DENND6A: variants seen among roughly 807,000 people sequenced by gnomAD.
The protein encoded by DENND6A is DENN domain containing 6A.
DENND6A carries 43 observed loss-of-function variants against 95.5 expected under a neutral mutation model. That is an observed-to-expected ratio of 0.45 (90% CI 0.35 to 0.58). DENND6A has a LOEUF of 0.58. Among genes scored for constraint, DENND6A ranks in the 20% least tolerant of loss-of-function variants. The pLI is 0.00. For missense variants in DENND6A, 574 were observed against 736.0 expected, an observed-to-expected ratio of 0.78 and a Z score of 2.55; for synonymous variants, 257 against 260.4, an observed-to-expected ratio of 0.99 and a Z score of 0.13.
At position 57,663,623 on chromosome 3, in the gene DENND6A, GTA is replaced by G. The variant is rs780522341; in HGVS notation, c.513+11_513+12del. On this transcript the variant is annotated intron_variant, in intron 5 of 19. Transcript: ENST00000311128. ...TAAAAAATACTTTTTTTATTAGTGTGTATGACAATTACCTTCTGAAAGTAGCC... is the reference window on the plus strand; with the variant it reads ...TAAAAAATACTTTTTTTATTAGTGTGTGACAATTACCTTCTGAAAGTAGCC... 6.4e-6 allele frequency: 10 copies of G among 1,563,482 alleles called. No individual in the cohort carries two copies. The African/African-American group carries it at 1.4e-4, about 21-fold the overall frequency.
chr3:57,629,506 G>GC (rs1464338223), intron 18 of DENND6A, among the ~76,000 whole-genome samples: 3 of 132,652 alleles, frequency 2.3e-5, no homozygotes, highest in African/African-American at 8.3e-5. Flanking sequence ...AAATCAGTCC[G>GC]CTTTTTTTTT....
In DENND6A at chr3:57,631,252, A is replaced by T. The variant is rs1305030936; in HGVS notation, c.1354-274T>A. 1.2e-5 allele frequency: 4 copies of T among 326,240 alleles called. No individual in the cohort carries two copies. In the East Asian group the frequency reaches 2.6e-4, roughly 21 times the overall value. The allele number at this position is 326,240 out of a possible 1,614,324, so 20.2% of individuals were successfully genotyped here. On this transcript the variant is annotated intron_variant, in intron 15 of 19. Coordinates refer to ENST00000311128, the MANE Select transcript of DENND6A (RefSeq NM_152678.3). ...TGTTCTGTTGCGCAGGCTGGAGTGC[A>T]ATGGCATGATCTCGGCTCACTACAA...
chr3:57,667,318 C>G, intron 3 of DENND6A, among the ~76,000 whole-genome samples: 1 of 151,770 alleles, frequency 6.6e-6, no homozygotes, highest in Non-Finnish European at 1.5e-5. Flanking sequence ...CTGTGCCTGG[C>G]CTTTTTAAAA....
intron 1 of DENND6A, among the ~76,000 whole-genome samples, chr3:57,688,718 G>C (rs1301605057): frequency 2.0e-5 from 3 of 151,788 alleles, no homozygotes; most frequent in African/African-American, 7.3e-5. Flanking sequence ...ACAAAGGCCT[G>C]GGGCTTTCCA....
intron 9 of DENND6A, among the ~76,000 whole-genome samples, chr3:57,647,894 G>C (rs1434700865): frequency 6.6e-6 from 1 of 151,916 alleles, no homozygotes; most frequent in Non-Finnish European, 1.5e-5. Flanking sequence ...GAATCAGAGA[G>C]TGAGCAGGGT....
At chr3:57,656,661 C>G (rs1214128241) in intron 9 of DENND6A, among the ~76,000 whole-genome samples, 2 of 151,242 alleles carry the variant, frequency 1.3e-5, no homozygotes, top group African/African-American at 4.9e-5. Context: ...TCATAAAAAA[C>G]AAACAAAAAG....
intron 1 of DENND6A, among the ~76,000 whole-genome samples, chr3:57,688,575 C>G (rs116491651): frequency 2.6e-5 from 4 of 151,924 alleles, no homozygotes; most frequent in African/African-American, 9.7e-5. Context: ...AAATTAGTAC[C>G]ATGGAAACCC....
chr3:57,627,488 TC>T lies in DENND6A; in HGVS notation c.*725del, dbSNP rs2070557998. On this transcript the variant is annotated 3_prime_UTR_variant, in exon 20 of 20. Transcript: ENST00000311128. Reference sequence around the variant, plus strand: ...GGGTAAGAGAAAATAAACTCTTCCATCATTAATACTAGATGCCTTCTTGTCT... The same window carrying T: ...GGGTAAGAGAAAATAAACTCTTCCATATTAATACTAGATGCCTTCTTGTCT... 1 of 152,052 alleles carries T rather than the reference TC, an allele frequency of 6.6e-6. No individual in the cohort carries two copies. The highest frequency in any genetic ancestry group is 1.5e-5 in the Non-Finnish European group (1 of 68,020). The allele number at this position is 152,052 out of a possible 1,614,324, so 9.4% of individuals were successfully genotyped here.
At chr3:57,686,412 C>A (rs1056731298) in intron 1 of DENND6A, among the ~76,000 whole-genome samples, 9 of 152,170 alleles carry the variant, frequency 5.9e-5, no homozygotes, top group African/African-American at 2.2e-4. Context: ...CAATACCATT[C>A]TTCCTTCTCC....
intron 11 of DENND6A, among the ~76,000 whole-genome samples, chr3:57,644,636 G>T (rs539527267): frequency 8.4e-4 from 117 of 139,912 alleles, no homozygotes; most frequent in Non-Finnish European, 1.6e-3. Context: ...AAGGTTAAAA[G>T]TGTAAATGTT....
At chr3:57,640,752 C>T (rs1005695706) in intron 12 of DENND6A, among the ~76,000 whole-genome samples, 1 of 152,100 alleles carries the variant, frequency 6.6e-6, no homozygotes, top group Non-Finnish European at 1.5e-5. Flanking sequence ...GTCTAAATTA[C>T]TACGCCCAAA....
chr3:57,672,739 T>C (rs928889474), intron 1 of DENND6A, among the ~76,000 whole-genome samples: 2 of 151,900 alleles, frequency 1.3e-5, no homozygotes, highest in African/African-American at 2.4e-5. Context: ...GCCGAGATCA[T>C]GCCACTGCAC....
chr3:57,635,895 A>G (rs775899160), intron 12 of DENND6A, among the ~76,000 whole-genome samples: 5 of 152,042 alleles, frequency 3.3e-5, no homozygotes, highest in Non-Finnish European at 5.9e-5. Flanking sequence ...TTCCTCTTCA[A>G]CCTACTCAGT....
intron 4 of DENND6A, 110 bp downstream of exon 4, chr3:57,666,013 T>C: frequency 7.6e-6 from 6 of 793,470 alleles, no homozygotes; most frequent in Admixed American, 5.0e-5. Flanking sequence ...CTATATAATA[T>C]AGTAGCAAAA....
In DENND6A at chr3:57,641,673, A is replaced by G. The variant is rs576553515; in HGVS notation, c.1112T>C (p.Ile371Thr). 1.9e-6 allele frequency: 3 copies of G among 1,612,484 alleles called. No individual in the cohort carries two copies. The South Asian group carries it at 3.3e-5, about 18-fold the overall frequency. Reference protein sequence around the residue: ...TLQHWPHIIRIGDLKPTGEIP... With the variant: ...TLQHWPHIIRTGDLKPTGEIP... Reference sequence around the variant, plus strand: ...TTTACCTGTAGGTTTAAGGTCTCCTATTCGAATAATGTGTGGCCAGTGCTG... The same window carrying G: ...TTTACCTGTAGGTTTAAGGTCTCCTGTTCGAATAATGTGTGGCCAGTGCTG... The change falls in exon 12 of 20, where the codon ATA (isoleucine) becomes ACA (threonine). Residue 371 changes from isoleucine (I) to threonine (T), a missense_variant. Physicochemically the swap from Ile to Thr is moderately conservative, Grantham distance 89. Around this residue, in one of 2 missense-constraint regions of DENND6A, gnomAD observed 452 missense variants for 630.9 expected, o/e 0.72. Transcript: ENST00000311128.
In DENND6A at chr3:57,625,468, AG is replaced by A. The variant is rs2070509193; in HGVS notation, c.*2745del. 1 of 152,634 alleles carries A rather than the reference AG, an allele frequency of 6.6e-6. No individual in the cohort carries two copies. Among genetic ancestry groups the A allele is most frequent in the African/African-American group, 2.4e-5 (1 of 41,448 alleles). 9.5% of individuals were successfully genotyped at this position (152,634 alleles called of 1,614,324 possible). ...AAATATCCAAGTGCTTTAAAATCCA[AG>A]GCCTTTAATTTAGTTTTTGGTAATG... is the stretch of plus-strand genomic sequence containing the variant. On this transcript the variant is annotated 3_prime_UTR_variant, in exon 20 of 20. Transcript: ENST00000311128.
intron 11 of DENND6A, among the ~76,000 whole-genome samples, chr3:57,643,309 G>A (rs902413206): frequency 6.6e-6 from 1 of 152,032 alleles, no homozygotes; most frequent in African/African-American, 2.4e-5. Flanking sequence ...GAGATTAGGG[G>A]AGAAAAGAGG....
At chr3:57,661,251 A>C (rs2071418183) in intron 6 of DENND6A, among the ~76,000 whole-genome samples, 195 bp downstream of exon 6, 1 of 152,240 alleles carries the variant, frequency 6.6e-6, no homozygotes. Context: ...AAGTAGTTAA[A>C]GGAGATAACA....
intron 3 of DENND6A, among the ~76,000 whole-genome samples, chr3:57,667,991 A>C (rs1169212347): frequency 6.7e-6 from 1 of 150,172 alleles, no homozygotes; most frequent in Non-Finnish European, 1.5e-5. Context: ...TCTTGAACAC[A>C]GTAGGCAGAG....
Sources: allele counts gnomAD v4.1 joint callset (sites outside exome capture counted in the v4.1 genomes callset), GRCh38; gene constraint gnomAD v4.1.1; regional missense constraint gnomAD v4.1.1; transcripts MANE v1.5; gene names NCBI Gene and HGNC (gene_info 2026-07-23, HGNC 2026-07-21).